The following ARHGAP17 variants were observed in gnomAD, a reference collection of about 807,000 sequenced individuals.
The protein encoded by ARHGAP17 is Rho GTPase activating protein 17.
ARHGAP17 carries 57 observed loss-of-function variants against 99.5 expected under a neutral mutation model. The observed-to-expected ratio is 0.57, with a 90% CI of 0.46 to 0.71. The LOEUF is 0.71. ARHGAP17 is among the 30% of genes least tolerant of loss of function. ARHGAP17 has a pLI of 0.00. For synonymous variants in ARHGAP17, 417 were observed against 429.6 expected (o/e 0.97, Z 0.36); for missense variants, 1,000 against 1,122.4 (o/e 0.89, Z 1.56).
chr16:24,937,006 T>C (rs1489543645), intron 17 of ARHGAP17, among the ~76,000 whole-genome samples: 1 of 151,290 alleles, frequency 6.6e-6, no homozygotes. Context: ...ATAGTCCCAG[T>C]TGGGAGGCTG....
intron 1 of ARHGAP17, among the ~76,000 whole-genome samples, chr16:25,008,097 T>TA (rs1473874882): frequency 1.3e-5 from 2 of 152,146 alleles, no homozygotes; most frequent in African/African-American, 4.8e-5. Flanking sequence ...TTATTTACAG[T>TA]AAAAAAATTT....
chr16:24,977,346 A>C lies in ARHGAP17; in HGVS notation c.94-27T>G, dbSNP rs768597717. 7 of 1,540,834 alleles carry C rather than the reference A, an allele frequency of 4.5e-6. No individual in the cohort carries two copies. In the Admixed American group the frequency reaches 1.1e-4, roughly 24 times the overall value. ...TGACAAGGCAGAGACAAAAGAGAACAAATTCATCCTCTTTCTTTTGTGGTG... is the reference window on the plus strand; with the variant it reads ...TGACAAGGCAGAGACAAAAGAGAACCAATTCATCCTCTTTCTTTTGTGGTG... On this transcript the variant is annotated intron_variant, in intron 2 of 19. Transcript: ENST00000289968.
chr16:24,975,261 T>C (rs1000128933), intron 3 of ARHGAP17, among the ~76,000 whole-genome samples: 1 of 152,216 alleles, frequency 6.6e-6, no homozygotes, highest in African/African-American at 2.4e-5. Flanking sequence ...TGATCATGCA[T>C]GCTAGAATAG....
At chr16:24,939,947 C>CA in intron 16 of ARHGAP17, 1 of 311,438 alleles carries the variant, frequency 3.2e-6, no homozygotes. Context: ...CTCACTCCAC[C>CA]ACCCAGGCTG....
intron 19 of ARHGAP17, among the ~76,000 whole-genome samples, chr16:24,929,101 C>T (rs891534960): frequency 1.3e-5 from 2 of 151,710 alleles, no homozygotes; most frequent in African/African-American, 4.8e-5. Flanking sequence ...GTAAATCACA[C>T]TGGGAAGAGT....
intron 17 of ARHGAP17, 97 bp from the exon 18 acceptor site, chr16:24,935,736 A>G (rs755548414): frequency 7.6e-7 from 1 of 1,319,876 alleles, no homozygotes; most frequent in East Asian, 2.3e-5. Flanking sequence ...CAGAGTTTTC[A>G]CTTCGGCAGG....
Position 24,959,997 on chromosome 16 carries a change from A to G in ARHGAP17, c.574-18T>C, listed in dbSNP as rs200182819. 3.4e-4 allele frequency: 546 copies of G among 1,612,840 alleles called. 2 individuals carry two copies. In the African/African-American group the frequency reaches 6.7e-3, roughly 20 times the overall value. On this transcript the variant is annotated intron_variant, in intron 7 of 19. Transcript: ENST00000289968. Reference sequence around the variant, plus strand: ...AGTTGATCCTGGGTAAATGGAAGATAAGAGGTTATTGAAGAAAAAAGAAGT... The same window carrying G: ...AGTTGATCCTGGGTAAATGGAAGATGAGAGGTTATTGAAGAAAAAAGAAGT...
chr16:25,003,249 T>TC (rs956231284), intron 1 of ARHGAP17, among the ~76,000 whole-genome samples: 15 of 142,362 alleles, frequency 1.1e-4, no homozygotes, highest in Non-Finnish European at 1.5e-5. Flanking sequence ...TTTTTTTTTT[T>TC]TTTGAGACAG....
At chr16:24,939,303 A>G in intron 17 of ARHGAP17, 61 bp downstream of exon 17, 1 of 1,465,266 alleles carries the variant, frequency 6.8e-7, no homozygotes, top group Non-Finnish European at 9.1e-7. Context: ...CTCAAAGGCC[A>G]CCACCTGCAA....
At chr16:24,973,402 T>C (rs2052425386) in intron 3 of ARHGAP17, among the ~76,000 whole-genome samples, 2 of 152,146 alleles carry the variant, frequency 1.3e-5, no homozygotes, top group African/African-American at 2.4e-5. Context: ...TGCAATTTTC[T>C]CCATATTAGT....
chr16:25,003,612 C>T lies in ARHGAP17; in HGVS notation c.53+11597G>A, dbSNP rs546675751. Among the ~76,000 whole-genome samples, 9 of 152,118 alleles carry T rather than the reference C, an allele frequency of 5.9e-5. No homozygotes were observed. The East Asian group carries it at 1.8e-3, about 30-fold the overall frequency. ...GCCGAGGAGGGCTGATTGCTTGAGG[C>T]CAGGAGTTCCAGATCAGCCTGGCCA... On this transcript the variant is annotated intron_variant, in intron 1 of 19. Coordinates refer to ENST00000289968, the MANE Select transcript of ARHGAP17 (RefSeq NM_001006634.3).
At chr16:24,979,175 C>T (rs995551330) in intron 1 of ARHGAP17, among the ~76,000 whole-genome samples, 170 bp from the exon 2 acceptor site, 6 of 152,088 alleles carry the variant, frequency 3.9e-5, no homozygotes, top group Admixed American at 6.6e-5. Context: ...TTAAGCAAAA[C>T]CAAAGAAAAA....
rs144809370 is a variant in ARHGAP17, at chr16:25,004,226, C to A, written c.53+10983G>T. 2.6e-5 allele frequency among the ~76,000 whole-genome samples: 4 copies of A among 152,230 alleles called. No homozygotes were observed. In the East Asian group the frequency reaches 7.7e-4, roughly 29 times the overall value. On this transcript the variant is annotated intron_variant, in intron 1 of 19. Coordinates refer to ENST00000289968, the MANE Select transcript of ARHGAP17 (RefSeq NM_001006634.3). ...GTTGTTTGAGGCCAGGAGTTGGAGA[C>A]CAGCCTGGGCAACATAGCAAGACTC...
At chr16:24,967,797 A>AAAAAAG (rs2052233842) in intron 6 of ARHGAP17, among the ~76,000 whole-genome samples, 1 of 150,698 alleles carries the variant, frequency 6.6e-6, no homozygotes, top group Non-Finnish European at 1.5e-5. Flanking sequence ...AAAAAAAAAA[A>AAAAAAG]GAAAAGGAAA....
At chr16:24,998,530 C>T (rs1331071050) in intron 1 of ARHGAP17, among the ~76,000 whole-genome samples, 1 of 152,010 alleles carries the variant, frequency 6.6e-6, no homozygotes, top group African/African-American at 2.4e-5. Context: ...GCAGGTCATC[C>T]AAGGAGAGAG....
chr16:24,971,871 G>A (rs926291633), intron 3 of ARHGAP17, among the ~76,000 whole-genome samples: 7 of 152,198 alleles, frequency 4.6e-5, no homozygotes, highest in Non-Finnish European at 5.9e-5. Context: ...CCAGGGAGAC[G>A]CAGGAAAGTC....
At chr16:24,942,698 G>A (rs2051350378) in intron 15 of ARHGAP17, among the ~76,000 whole-genome samples, 1 of 150,764 alleles carries the variant, frequency 6.6e-6, no homozygotes, top group East Asian at 1.9e-4. Flanking sequence ...AACCTGGGAG[G>A]CAGAGGTTGC....
chr16:24,950,360 C>G lies in ARHGAP17; in HGVS notation c.1047-876G>C, dbSNP rs543153058. On this transcript the variant is annotated intron_variant, in intron 12 of 19. Coordinates refer to ENST00000289968, the MANE Select transcript of ARHGAP17 (RefSeq NM_001006634.3). ...CTAGCCAATAAAAGAAATCCCACAA[C>G]TCTCTTCTACCTAACACTGATGTTG... is the stretch of plus-strand genomic sequence containing the variant. Among the ~76,000 whole-genome samples the G allele has an allele frequency of 2.0e-5, 3 of 152,266 alleles. No individual in the cohort carries two copies. In the South Asian group the frequency reaches 6.2e-4, roughly 32 times the overall value.
Position 25,013,274 on chromosome 16 carries a change from A to T in ARHGAP17, c.53+1935T>A, listed in dbSNP as rs182331337. On this transcript the variant is annotated intron_variant, in intron 1 of 19. Transcript: ENST00000289968. ...GAGTTCCAAGTAGATGCTAGCAGGT[A>T]AGAAAGCAAGACCTCCTGTGGAAAC... 6.6e-4 allele frequency among the ~76,000 whole-genome samples: 101 copies of T among 152,142 alleles called. 3 individuals carry two copies. Among genetic ancestry groups the T allele is most frequent in the Non-Finnish European group, 1.9e-4 (13 of 68,010 alleles).
Sources: allele counts gnomAD v4.1 joint callset (sites outside exome capture counted in the v4.1 genomes callset), GRCh38; gene constraint gnomAD v4.1.1; transcripts MANE v1.5; gene names NCBI Gene and HGNC (gene_info 2026-07-23, HGNC 2026-07-21).